ARID1A: variants seen among roughly 807,000 people sequenced by gnomAD.
ARID1A encodes AT-rich interactive domain-containing protein 1A.
Under a neutral mutation model 212.6 loss-of-function variants are expected in ARID1A, and 20 were observed. The observed-to-expected ratio is 0.09, with a 90% CI of 0.07 to 0.14. The LOEUF (loss-of-function observed/expected upper bound fraction) is 0.14, where lower values mean the gene tolerates loss of function less well. ARID1A is among the 10% of genes least tolerant of loss of function. The pLI, the probability that ARID1A is intolerant of heterozygous loss-of-function variation, is 1.00. For missense variants in ARID1A, 2,587 were observed against 3,059.0 expected (o/e 0.85, Z 3.64); for synonymous variants, 1,376 against 1,222.1 (o/e 1.13, Z -2.63).
In ARID1A at chr1:26,697,557, G is replaced by C; in HGVS notation, c.1137+17G>C. On this transcript the variant is annotated intron_variant, in intron 1 of 19. Transcript: ENST00000324856. ...ACCCCTCAGGTACACAGCTGAGTGG[G>C]GAGGGGGCTGGGGCGAGCGTGGTCC... 2 of 1,334,282 alleles carry C rather than the reference G, an allele frequency of 1.5e-6. No individual in the cohort carries two copies. The highest frequency in any genetic ancestry group is 4.0e-5 in the South Asian group (2 of 50,074). 82.7% of individuals were successfully genotyped at this position (1,334,282 alleles called of 1,614,324 possible).
At position 26,780,328 on chromosome 1, in the gene ARID1A, C is replaced by G. The variant is rs1225282643; in HGVS notation, c.6430C>G (p.Leu2144Val). The change falls in exon 20 of 20, where the codon CTG (leucine) becomes GTG (valine). Residue 2144 changes from leucine to valine, a missense_variant. Leu to Val is a conservative substitution (Grantham distance 32). Transcript: ENST00000324856. This position sits in a 1 kb window ranked among gnomAD's most constrained non-coding sequence, Gnocchi z 7.2. The part of the protein sequence containing the change: ...LILATPPFSR[L>V]EKLYSTMVRF... ...TCTGGCCACACCCCCCTTCAGCCGC[C>G]TGGAGAAGTTGTATAGCACTATGGT... is the stretch of plus-strand genomic sequence containing the variant. 6.2e-7 allele frequency: 1 copy of G among 1,614,252 alleles called. No individual in the cohort carries two copies. Among genetic ancestry groups the G allele is most frequent in the Non-Finnish European group, 8.5e-7 (1 of 1,180,036 alleles).
chr1:26,762,208 G>A lies in ARID1A; in HGVS notation c.2308G>A (p.Ala770Thr), dbSNP rs2124063446. The A allele has an allele frequency of 6.2e-7, 1 of 1,614,182 alleles. No individual in the cohort carries two copies. The highest frequency in any genetic ancestry group is 1.1e-5 in the South Asian group (1 of 91,086). Reference protein sequence around the residue: ...PQYSSPQPGSALSPRQPSGGQ... With the variant: ...PQYSSPQPGSTLSPRQPSGGQ... ...GTACAGTTCCCCCCAGCCCGGCTCAGCCTTATCTCCGCGTCAGCCTTCCGG... is the reference window on the plus strand; with the variant it reads ...GTACAGTTCCCCCCAGCCCGGCTCAACCTTATCTCCGCGTCAGCCTTCCGG... Residue 770 changes from alanine to threonine, a missense_variant, in exon 7 of 20, where the codon GCC (alanine) becomes ACC (threonine). Physicochemically the swap from Ala to Thr is moderately conservative, Grantham distance 58 (BLOSUM62 0). Around this residue, in one of 11 missense-constraint regions of ARID1A, gnomAD observed 674 missense variants for 813.4 expected, o/e 0.83. Coordinates refer to ENST00000324856, the MANE Select transcript of ARID1A (RefSeq NM_006015.6).
In ARID1A at chr1:26,773,382, G is replaced by A; in HGVS notation, c.3752G>A (p.Gly1251Asp). Residue 1251 changes from glycine to aspartate, a missense_variant, in exon 15 of 20, where the codon GGC (glycine) becomes GAC (aspartate). By Grantham distance (94) the Gly-to-Asp change is moderately conservative. Transcript: ENST00000324856. The part of the protein sequence containing the change: ...GSDPFMSSGQ[G>D]PNGGMGDPYS... ...GATCCCTTCATGTCCTCAGGGCAGG[G>A]CCCCAACGGCGGGATGGGTGACCCC... is the stretch of plus-strand genomic sequence containing the variant. 2 of 1,611,000 alleles carry A rather than the reference G, an allele frequency of 1.2e-6. No individual in the cohort carries two copies. Among genetic ancestry groups the A allele is most frequent in the Non-Finnish European group, 1.7e-6 (2 of 1,178,440 alleles).
rs187318289 is a variant in ARID1A, at chr1:26,729,994, A to G, written c.1350+131A>G. On this transcript the variant is annotated intron_variant, in intron 2 of 19. Coordinates refer to ENST00000324856, the MANE Select transcript of ARID1A (RefSeq NM_006015.6). ...TGTAGACCTGTTGGCTCAGTTAATTACAGAGTGCTACTAACAAAGCCAAAG... is the reference window on the plus strand; with the variant it reads ...TGTAGACCTGTTGGCTCAGTTAATTGCAGAGTGCTACTAACAAAGCCAAAG... 429 of 1,135,308 alleles carry G rather than the reference A, an allele frequency of 3.8e-4. 1 individual carries two copies. The highest frequency in any genetic ancestry group is 5.9e-4 in the Middle Eastern group (2 of 3,392). The allele number at this position is 1,135,308 out of a possible 1,614,324, so 70.3% of individuals were successfully genotyped here. A position where few individuals can be genotyped will look rare whatever the true frequency, so the allele number is the denominator to read the frequency against.
At chr1:26,718,642 A>G (rs1393136784) in intron 1 of ARID1A, among the ~76,000 whole-genome samples, 3 of 152,204 alleles carry the variant, frequency 2.0e-5, no homozygotes, top group Non-Finnish European at 4.4e-5. Context: ...TAGATTACTT[A>G]TAATACCTCA....
Position 26,773,916 on chromosome 1 carries a change from G to A in ARID1A, c.4101+18G>A. 6.2e-7 allele frequency: 1 copy of A among 1,611,030 alleles called. No homozygotes were observed. ...AACAGCAGGTGAGGAGGGTAGCTGG[G>A]AATGGACTGGCATGCAGGTTCGCCT... On this transcript the variant is annotated intron_variant, in intron 17 of 19. Coordinates refer to ENST00000324856, the MANE Select transcript of ARID1A (RefSeq NM_006015.6).
Position 26,774,304 on chromosome 1 carries a change from T to A in ARID1A, c.4102-25T>A, listed in dbSNP as rs142383853. ...TGTCCCTGAGTGCAGAGTATTAACTTCCCCTCTGCTTGTCTCTGCCTTAGA... is the reference window on the plus strand; with the variant it reads ...TGTCCCTGAGTGCAGAGTATTAACTACCCCTCTGCTTGTCTCTGCCTTAGA... On this transcript the variant is annotated intron_variant, in intron 17 of 19. Transcript: ENST00000324856. The surrounding 1 kb of genome is among the most constrained non-coding windows in gnomAD (Gnocchi z 5.6). 2 of 1,521,132 alleles carry A rather than the reference T, an allele frequency of 1.3e-6. No homozygotes were observed. Among genetic ancestry groups the A allele is most frequent in the Non-Finnish European group, 1.8e-6 (2 of 1,134,600 alleles). 94.2% of individuals were successfully genotyped at this position (1,521,132 alleles called of 1,614,324 possible).
At chr1:26,739,870 T>C (rs1180614120) in intron 4 of ARID1A, among the ~76,000 whole-genome samples, 1 of 152,162 alleles carries the variant, frequency 6.6e-6, no homozygotes, top group Non-Finnish European at 1.5e-5. Context: ...CCTTTTGTTT[T>C]TTCGGGTCCC....
chr1:26,720,806 C>G (rs2080556643), intron 1 of ARID1A, among the ~76,000 whole-genome samples: 1 of 151,370 alleles, frequency 6.6e-6, no homozygotes, highest in East Asian at 2.0e-4. Context: ...GAGGTTGAGG[C>G]TGCAGTGGGC....
chr1:26,711,578 A>G (rs2080454774), intron 1 of ARID1A, among the ~76,000 whole-genome samples: 1 of 152,234 alleles, frequency 6.6e-6, no homozygotes, highest in Admixed American at 6.5e-5. Context: ...ATAAACATTC[A>G]GCCAGTAACA....
intron 1 of ARID1A, among the ~76,000 whole-genome samples, chr1:26,713,894 C>T (rs2124766938): frequency 6.6e-6 from 1 of 152,278 alleles, no homozygotes; most frequent in South Asian, 2.1e-4. Flanking sequence ...TTTCCCAATG[C>T]CACTTTGAAT....
intron 1 of ARID1A, among the ~76,000 whole-genome samples, chr1:26,725,368 C>T (rs1345147455): frequency 2.6e-5 from 4 of 152,174 alleles, no homozygotes; most frequent in Non-Finnish European, 1.5e-5. Flanking sequence ...GGCATTTCAT[C>T]TGTAACTGCA....
At chr1:26,711,080 A>G (rs1000377042) in intron 1 of ARID1A, among the ~76,000 whole-genome samples, 7 of 150,376 alleles carry the variant, frequency 4.7e-5, no homozygotes, top group South Asian at 2.1e-4. Context: ...TACCACCCCA[A>G]TTAATGCCCT....
At chr1:26,702,734 G>T (rs993593873) in intron 1 of ARID1A, among the ~76,000 whole-genome samples, 1 of 152,050 alleles carries the variant, frequency 6.6e-6, no homozygotes, top group Non-Finnish European at 1.5e-5. Flanking sequence ...GATAAGAAGT[G>T]ATCTAAAAAA....
At chr1:26,748,923 G>C (rs12145547) in intron 4 of ARID1A, among the ~76,000 whole-genome samples, 7,749 of 152,058 alleles carry the variant, frequency 0.051, 262 homozygotes, top group Non-Finnish European at 0.079. Context: ...CCAGCACTTT[G>C]GGAGGCCGAG....
chr1:26,759,840 G>GT (rs1477142020), intron 4 of ARID1A, among the ~76,000 whole-genome samples: 1 of 152,196 alleles, frequency 6.6e-6, no homozygotes, highest in Non-Finnish European at 1.5e-5. Flanking sequence ...GTTGATTACT[G>GT]TTATAGACCA....
In ARID1A at chr1:26,762,261, C is replaced by A; in HGVS notation, c.2361C>A (p.Ser787=). 6.2e-7 allele frequency: 1 copy of A among 1,614,186 alleles called. No homozygotes were observed. The highest frequency in any genetic ancestry group is 1.1e-5 in the South Asian group (1 of 91,084). The change falls in exon 7 of 20, where the codon TCC becomes TCA. Residue 787 remains serine (S), a synonymous_variant. Coordinates refer to ENST00000324856, the MANE Select transcript of ARID1A (RefSeq NM_006015.6). ...GACAGATACACACAGGCATGGGCTC[C>A]TACCAGCAGAACTCCATGGGGAGCT... ...SGGQIHTGMG[S]YQQNSMGSYG...
In ARID1A at chr1:26,772,878, G is replaced by A. The variant is rs2124107176; in HGVS notation, c.3606G>A (p.Arg1202=). Residue 1202 remains arginine (R), a synonymous_variant, in exon 14 of 20, where the codon CGG becomes CGA. Transcript: ENST00000324856. ...NDGSDSTFQK[R]NSMTPNPGYQ... The stretch of plus-strand genomic sequence containing the variant: ...GAAGTGACTCCACATTCCAGAAGCG[G>A]AATTCCATGACTCCAAACCCTGGGT... 1.2e-6 allele frequency: 2 copies of A among 1,614,138 alleles called. No homozygotes were observed. Among genetic ancestry groups the A allele is most frequent in the Non-Finnish European group, 8.5e-7 (1 of 1,180,036 alleles).
intron 1 of ARID1A, among the ~76,000 whole-genome samples, chr1:26,715,276 T>A (rs2080491377): frequency 1.3e-5 from 2 of 152,172 alleles, no homozygotes; most frequent in South Asian, 4.1e-4. Flanking sequence ...AGAAGATGCA[T>A]TTAGAACAAA....
Sources: allele counts gnomAD v4.1 joint callset (sites outside exome capture counted in the v4.1 genomes callset), GRCh38; gene constraint gnomAD v4.1.1; regional missense constraint gnomAD v4.1.1; non-coding constraint Gnocchi (gnomAD v3.1); transcripts MANE v1.5; gene names NCBI Gene and HGNC (gene_info 2026-07-23, HGNC 2026-07-21).